SORCS2: variants seen among roughly 807,000 people sequenced by gnomAD.
SORCS2 encodes the protein sortilin related VPS10 domain containing receptor 2.
SORCS2 carries 100 observed loss-of-function variants against 141.6 expected under a neutral mutation model. The observed-to-expected ratio is 0.71, with a 90% confidence interval of 0.60 to 0.83. SORCS2 has a LOEUF of 0.83. Ranked by LOEUF, SORCS2 falls within the 40% of genes least tolerant of loss-of-function variation. The pLI is 0.00. For synonymous variants in SORCS2, 789 were observed against 676.9 expected, an observed-to-expected ratio of 1.17 and a Z score of -2.57; for missense variants, 1,646 against 1,560.2, an observed-to-expected ratio of 1.05 and a Z score of -0.93.
chr4:7,645,295 C>T (rs1205112144), intron 4 of SORCS2, among the ~76,000 whole-genome samples: 1 of 152,148 alleles, frequency 6.6e-6, no homozygotes, highest in Non-Finnish European at 1.5e-5. Context: ...AGGGTGACTC[C>T]TCAGCCCCTG....
intron 1 of SORCS2, among the ~76,000 whole-genome samples, chr4:7,287,173 C>T (rs939771834): frequency 6.6e-6 from 1 of 152,154 alleles, no homozygotes; most frequent in South Asian, 2.1e-4. Flanking sequence ...TGCAAAGTGT[C>T]CTTAATGACC....
intron 1 of SORCS2, among the ~76,000 whole-genome samples, chr4:7,215,455 C>T (rs1220187500): frequency 1.3e-5 from 2 of 152,320 alleles, no homozygotes; most frequent in Non-Finnish European, 1.5e-5. Context: ...CCCTGACGAG[C>T]GCGACCCCCT....
chr4:7,465,197 G>T (rs1208533735), intron 2 of SORCS2, among the ~76,000 whole-genome samples: 1 of 152,258 alleles, frequency 6.6e-6, no homozygotes, highest in Non-Finnish European at 1.5e-5. Context: ...CCCCGAGCAG[G>T]AGGCCTCTGC....
chr4:7,643,094 C>A (rs549714996), intron 4 of SORCS2, among the ~76,000 whole-genome samples: 1 of 152,350 alleles, frequency 6.6e-6, no homozygotes, highest in East Asian at 1.9e-4. Context: ...CAGCAAACAC[C>A]TATCCACCTA....
intron 2 of SORCS2, among the ~76,000 whole-genome samples, chr4:7,519,607 C>T (rs908611361): frequency 1.3e-5 from 2 of 152,240 alleles, no homozygotes; most frequent in African/African-American, 4.8e-5. Flanking sequence ...GCTGCCTGTG[C>T]CTGTAAAACT....
intron 2 of SORCS2, among the ~76,000 whole-genome samples, chr4:7,454,212 C>G: frequency 9.3e-6 from 1 of 107,902 alleles, no homozygotes; most frequent in Non-Finnish European, 1.8e-5. Flanking sequence ...GTGTTGGGGT[C>G]AGGTGCTGTG....
chr4:7,673,815 C>T (rs1722934020), intron 8 of SORCS2, among the ~76,000 whole-genome samples: 1 of 152,138 alleles, frequency 6.6e-6, no homozygotes, highest in Admixed American at 6.5e-5. Context: ...TGACGCCAAG[C>T]CCCCGAGCTC....
chr4:7,682,773 A>T lies in SORCS2; in HGVS notation c.1372A>T (p.Asn458Tyr), dbSNP rs1402236851. 6.2e-7 allele frequency: 1 copy of T among 1,611,992 alleles called. No individual in the cohort carries two copies. Among genetic ancestry groups the T allele is most frequent in the Non-Finnish European group, 8.5e-7 (1 of 1,179,068 alleles). Residue 458 changes from asparagine (N) to tyrosine (Y), a missense_variant, in exon 10 of 27, where the codon AAC becomes TAC. Coordinates refer to ENST00000507866, the MANE Select transcript of SORCS2 (RefSeq NM_020777.3). Reference sequence around the variant, plus strand: ...AGGGGTGAAAGGAGTCTTCCTGGCAAACCAAAAAATTGATGGGAAAGTGAT... The same window carrying T: ...AGGGGTGAAAGGAGTCTTCCTGGCATACCAAAAAATTGATGGGAAAGTGAT... ...VRGVKGVFLA[N>Y]QKIDGKVMTL...
At chr4:7,723,640 T>A in intron 18 of SORCS2, 57 bp from the exon 19 acceptor site, 1 of 1,584,680 alleles carries the variant, frequency 6.3e-7, no homozygotes, top group Non-Finnish European at 8.7e-7. Context: ...AATGAACCAC[T>A]CTGGCCCCTC....
At chr4:7,530,117 T>C (rs946870738) in intron 2 of SORCS2, among the ~76,000 whole-genome samples, 5 of 152,222 alleles carry the variant, frequency 3.3e-5, no homozygotes, top group Non-Finnish European at 5.9e-5. Flanking sequence ...CTTGAAGATG[T>C]AGGGAGGAAA....
At chr4:7,336,384 C>A (rs1003577372) in intron 1 of SORCS2, among the ~76,000 whole-genome samples, 12 of 152,172 alleles carry the variant, frequency 7.9e-5, no homozygotes, top group Non-Finnish European at 1.5e-4. Context: ...ACCCCCAACT[C>A]CCCGGAGGCC....
chr4:7,468,860 G>GT (rs1015130829), intron 2 of SORCS2, among the ~76,000 whole-genome samples: 43 of 152,186 alleles, frequency 2.8e-4, no homozygotes, highest in African/African-American at 9.9e-4. Context: ...CCAAAACGCC[G>GT]TATCTGTTGT....
intron 2 of SORCS2, chr4:7,431,609 C>T (rs1304517821): frequency 1.3e-5 from 2 of 152,154 alleles, no homozygotes; most frequent in African/African-American, 2.4e-5. Context: ...CCAACAACTT[C>T]GGGCCCCTGT....
intron 3 of SORCS2, among the ~76,000 whole-genome samples, chr4:7,545,133 G>C (rs1341991607): frequency 1.7e-5 from 1 of 59,494 alleles, no homozygotes; most frequent in Admixed American, 2.4e-4. Context: ...TTGTAGGAGA[G>C]GAGGGAAAAG....
In SORCS2 at chr4:7,703,319, G is replaced by A. The variant is rs764411472; in HGVS notation, c.1708G>A (p.Gly570Ser). The A allele has an allele frequency of 6.8e-6, 11 of 1,613,320 alleles. No individual in the cohort carries two copies. Among genetic ancestry groups the A allele is most frequent in the South Asian group, 1.1e-5 (1 of 90,874 alleles). ...EEHHILYLDH[G>S]GVIVAIKDTS... is the part of the protein sequence containing the mutation. ...GCATCACATCCTGTACCTGGACCAC[G>A]GCGGCGTGATCGTGGCCATCAAAGA... The change falls in exon 13 of 27, where the codon GGC becomes AGC. Residue 570 changes from glycine to serine, a missense_variant. Transcript: ENST00000507866.
At chr4:7,362,328 TC>T (rs1721629466) in intron 1 of SORCS2, among the ~76,000 whole-genome samples, 1 of 152,144 alleles carries the variant, frequency 6.6e-6, no homozygotes, top group African/African-American at 2.4e-5. Flanking sequence ...CTAGAGTCCT[TC>T]CACGCCGCAT....
intron 3 of SORCS2, among the ~76,000 whole-genome samples, chr4:7,600,654 T>TACACACAC (rs1371962081): frequency 1.1e-5 from 1 of 92,670 alleles, no homozygotes; most frequent in African/African-American, 5.1e-5. Context: ...TACATATATA[T>TACACACAC]ATACACACAC....
intron 1 of SORCS2, among the ~76,000 whole-genome samples, chr4:7,213,816 C>T (rs1728180286): frequency 6.6e-6 from 1 of 152,208 alleles, no homozygotes; most frequent in Non-Finnish European, 1.5e-5. Flanking sequence ...AGGGCCCACC[C>T]CTGGAAAGGT....
In SORCS2 at chr4:7,622,172, C is replaced by A. The variant is rs146342097; in HGVS notation, c.649-16156C>A. Among the ~76,000 whole-genome samples the A allele has an allele frequency of 5.3e-5, 8 of 152,246 alleles. No homozygotes were observed. The East Asian group carries it at 1.6e-3, about 30-fold the overall frequency. ...GCACCTCCTTCTCCCCTCACCCAGC[C>A]CCTACTCCAACCTGTAGCTCGGGTG... On this transcript the variant is annotated intron_variant, in intron 3 of 26. Coordinates refer to ENST00000507866, the MANE Select transcript of SORCS2 (RefSeq NM_020777.3).
Sources: allele counts gnomAD v4.1 joint callset (sites outside exome capture counted in the v4.1 genomes callset), GRCh38; gene constraint gnomAD v4.1.1; transcripts MANE v1.5; gene names NCBI Gene and HGNC (gene_info 2026-07-23, HGNC 2026-07-21).